The following TIAM1 variants were observed in gnomAD, a reference collection of about 807,000 sequenced individuals.
TIAM1 encodes the protein rho guanine nucleotide exchange factor TIAM1.
A neutral mutation model predicts 163.5 loss-of-function variants in TIAM1; 65 were observed. The observed-to-expected ratio is 0.40, with a 90% CI of 0.33 to 0.49. The LOEUF is 0.49. TIAM1 is among the 20% of genes least tolerant of loss of function. TIAM1 has a pLI of 0.77. For missense variants in TIAM1, 1,789 were observed against 2,044.7 expected, an observed-to-expected ratio of 0.87 and a Z score of 2.41; for synonymous variants, 833 against 810.1, an observed-to-expected ratio of 1.03 and a Z score of -0.48.
At chr21:31,244,518 A>C (rs2071389534) in intron 6 of TIAM1, among the ~76,000 whole-genome samples, 2 of 152,220 alleles carry the variant, frequency 1.3e-5, no homozygotes. Flanking sequence ...TGAGATCAGG[A>C]GTTCGAGACC....
chr21:31,154,125 G>A (rs1430094488), intron 17 of TIAM1, 122 bp downstream of exon 17: 3 of 1,158,534 alleles, frequency 2.6e-6, no homozygotes, highest in African/African-American at 3.1e-5. Context: ...AAAATTCCAG[G>A]AGAAACCAAG....
At chr21:31,286,719 T>TGAGA in intron 2 of TIAM1, among the ~76,000 whole-genome samples, 1 of 151,850 alleles carries the variant, frequency 6.6e-6, no homozygotes, top group Non-Finnish European at 1.5e-5. Context: ...TCTCAACAAA[T>TGAGA]TGTGTGTGTG....
chr21:31,338,887 C>T lies in TIAM1; in HGVS notation c.-189+356G>A, dbSNP rs76153271. 8.3e-3 allele frequency among the ~76,000 whole-genome samples: 1,266 copies of T among 152,274 alleles called. 5 individuals carry two copies. The highest frequency in any genetic ancestry group is 0.017 in the Middle Eastern group (5 of 294). On this transcript the variant is annotated intron_variant, in intron 2 of 27. Coordinates refer to ENST00000541036, the MANE Select transcript of TIAM1 (RefSeq NM_001353694.2). ...ACACCCAAGAGCCCCCAAACCAGCA[C>T]GTTGATACCAAGTTTCCCCAGCTGC... is the stretch of plus-strand genomic sequence containing the variant.
At chr21:31,254,930 T>C (rs2072012932) in intron 4 of TIAM1, among the ~76,000 whole-genome samples, 1 of 152,196 alleles carries the variant, frequency 6.6e-6, no homozygotes. Flanking sequence ...AAGAGTTCAC[T>C]ACATTGCCAA....
chr21:31,513,091 T>C (rs1462022810), intron 1 of TIAM1, among the ~76,000 whole-genome samples: 1 of 152,248 alleles, frequency 6.6e-6, no homozygotes, highest in Non-Finnish European at 1.5e-5. Flanking sequence ...ATTTACTCTT[T>C]TTTAACATAA....
At chr21:31,303,353 T>G (rs1481524200) in intron 2 of TIAM1, among the ~76,000 whole-genome samples, 1 of 152,194 alleles carries the variant, frequency 6.6e-6, no homozygotes, top group African/African-American at 2.4e-5. Flanking sequence ...TCAGCATTAA[T>G]TGAGCATGAT....
At chr21:31,223,981 C>G (rs2087779755) in intron 7 of TIAM1, among the ~76,000 whole-genome samples, 1 of 152,120 alleles carries the variant, frequency 6.6e-6, no homozygotes, top group African/African-American at 2.4e-5. Flanking sequence ...GAATGAAAGG[C>G]TAGAAGCAAT....
At position 31,160,475 on chromosome 21, in the gene TIAM1, G is replaced by A. The variant is rs1274250553; in HGVS notation, c.2991+4487C>T. The stretch of plus-strand genomic sequence containing the variant: ...GAAGTGTTCGATACATAGAGTCACC[G>A]GACTTGTCATTGTTTTCAATCCTGG... On this transcript the variant is annotated intron_variant, in intron 16 of 27. Transcript: ENST00000541036. 3.0e-5 allele frequency: 12 copies of A among 398,628 alleles called. No homozygotes were observed. The Admixed American group carries it at 3.1e-4, about 10-fold the overall frequency. The allele number at this position is 398,628 out of a possible 1,614,324, so 24.7% of individuals were successfully genotyped here.
rs1438223530 is a variant in TIAM1 at position 31,181,777 on chromosome 21, T to C, written c.2887+644A>G. On this transcript the variant is annotated intron_variant, in intron 15 of 27. Transcript: ENST00000541036. ...TCTTCTTTTTTTTTTTTTTTTTTTT[T>C]TTTTTTTTTTTTTTTTTTTTTTTTT... is the stretch of plus-strand genomic sequence containing the variant. Among the ~76,000 whole-genome samples, 57 of 68,944 alleles carry C rather than the reference T, an allele frequency of 8.3e-4. 4 individuals are homozygous for C. The highest frequency in any genetic ancestry group is 3.5e-3 in the African/African-American group (45 of 13,000). The allele number at this position is 68,944 out of a possible 152,430, so 45.2% of individuals were successfully genotyped here.
intron 11 of TIAM1, 114 bp downstream of exon 11, chr21:31,209,931 T>A: frequency 1.9e-6 from 2 of 1,052,366 alleles, no homozygotes; most frequent in Non-Finnish European, 1.3e-6. Context: ...GAAAGGGAGG[T>A]GTGTTTTAAG....
chr21:31,473,604 G>A (rs1465338281), intron 1 of TIAM1, among the ~76,000 whole-genome samples: 3 of 151,800 alleles, frequency 2.0e-5, no homozygotes, highest in African/African-American at 4.8e-5. Context: ...CTGGCCTCCC[G>A]TCAGTCTGAG....
chr21:31,225,858 C>A lies in TIAM1; in HGVS notation c.1677G>T (p.Thr559=). The A allele has an allele frequency of 6.2e-7, 1 of 1,614,102 alleles. No individual in the cohort carries two copies. The highest frequency in any genetic ancestry group is 1.6e-4 in the Middle Eastern group (1 of 6,062). ...AVARHHHKED[T]LRLLKSEIKK... is the part of the protein sequence containing the mutation. ...TGATCTCTGATTTCAGGAGTCGGAG[C>A]GTGTCTTCCTTGTGGTGGTGCCTCG... is the stretch of plus-strand genomic sequence containing the variant. The change falls in exon 7 of 28, where the codon ACG becomes ACT. Residue 559 remains threonine (T), a synonymous_variant. Coordinates refer to ENST00000541036, the MANE Select transcript of TIAM1 (RefSeq NM_001353694.2).
intron 1 of TIAM1, among the ~76,000 whole-genome samples, chr21:31,483,414 G>A (rs1045981346): frequency 4.6e-5 from 7 of 152,190 alleles, no homozygotes; most frequent in African/African-American, 1.7e-4. Context: ...GCACCAGGTT[G>A]AGGCTGAGAA....
chr21:31,370,906 C>T (rs566793136), intron 2 of TIAM1, among the ~76,000 whole-genome samples: 3 of 152,274 alleles, frequency 2.0e-5, no homozygotes, highest in South Asian at 2.1e-4. Context: ...CAGCCTGTGC[C>T]GCCCTCTCTC....
intron 16 of TIAM1, among the ~76,000 whole-genome samples, chr21:31,159,721 A>G (rs1326522202): frequency 1.3e-5 from 2 of 152,254 alleles, no homozygotes; most frequent in Non-Finnish European, 2.9e-5. Flanking sequence ...GTAGAAGTTT[A>G]AGTTTGATTA....
intron 1 of TIAM1, among the ~76,000 whole-genome samples, chr21:31,548,681 T>G (rs981695895): frequency 2.1e-5 from 3 of 144,940 alleles, no homozygotes; most frequent in Non-Finnish European, 4.6e-5. Context: ...TAGAGATGGG[T>G]CTTCACCATG....
chr21:31,321,605 C>T (rs537701295), intron 2 of TIAM1, among the ~76,000 whole-genome samples: 13 of 151,758 alleles, frequency 8.6e-5, no homozygotes, highest in Non-Finnish European at 1.3e-4. Flanking sequence ...CCTGCCTCGG[C>T]CTCCCAAAGT....
chr21:31,136,098 T>TC, intron 22 of TIAM1, 57 bp from the exon 23 acceptor site: 1 of 1,433,994 alleles, frequency 7.0e-7, no homozygotes. Flanking sequence ...ACTCAGATTT[T>TC]CATGATGTTT....
intron 5 of TIAM1, among the ~76,000 whole-genome samples, chr21:31,251,425 C>A (rs1423111517): frequency 6.6e-6 from 1 of 152,112 alleles, no homozygotes; most frequent in Non-Finnish European, 1.5e-5. Flanking sequence ...AACTCCTGGG[C>A]TCAAGTGAAC....
Sources: allele counts gnomAD v4.1 joint callset (sites outside exome capture counted in the v4.1 genomes callset), GRCh38; gene constraint gnomAD v4.1.1; transcripts MANE v1.5; gene names NCBI Gene and HGNC (gene_info 2026-07-23, HGNC 2026-07-21).